Variants in HTR4 observed in about 807,000 individuals in gnomAD.
The protein encoded by HTR4 is 5-hydroxytryptamine receptor 4.
HTR4 carries 16 observed loss-of-function variants against 36.8 expected under a neutral mutation model. That is an observed-to-expected ratio of 0.43 (90% CI 0.29 to 0.66). The LOEUF (loss-of-function observed/expected upper bound fraction) is 0.66. HTR4 is among the 30% of genes least tolerant of loss of function. The probability of loss-of-function intolerance (pLI) is 0.13; values close to 1 mark genes in which losing one functional copy is unlikely to be tolerated. For synonymous variants in HTR4, 189 were observed against 185.1 expected (o/e 1.02, Z -0.17); for missense variants, 438 against 490.9 (o/e 0.89, Z 1.02).
At chr5:148,528,765 C>T (rs1758408131) in intron 4 of HTR4, among the ~76,000 whole-genome samples, 2 of 151,988 alleles carry the variant, frequency 1.3e-5, no homozygotes, top group Admixed American at 1.3e-4. Context: ...ATTCCTGCAA[C>T]ACATAAACAC....
At chr5:148,461,884 T>G (rs781713914) in intron 5 of HTR4, 1 of 151,958 alleles carries the variant, frequency 6.6e-6, no homozygotes, top group South Asian at 2.1e-4. Flanking sequence ...TTAACAAATG[T>G]AAAAGAATAG....
intron 4 of HTR4, among the ~76,000 whole-genome samples, chr5:148,524,148 T>C (rs1758152629): frequency 6.6e-6 from 1 of 152,128 alleles, no homozygotes; most frequent in African/African-American, 2.4e-5. Flanking sequence ...AGCTTGCATG[T>C]TGACAAGTGT....
chr5:148,528,719 G>A (rs181437703), intron 4 of HTR4, among the ~76,000 whole-genome samples: 122 of 151,934 alleles, frequency 8.0e-4, no homozygotes, highest in African/African-American at 2.7e-3. Context: ...TAATGTCCCC[G>A]TTAATAACAA....
chr5:148,625,493 C>T (rs1753067543), intron 2 of HTR4, among the ~76,000 whole-genome samples: 1 of 152,174 alleles, frequency 6.6e-6, no homozygotes, highest in South Asian at 2.1e-4. Flanking sequence ...TACTTTTCAA[C>T]TTCCCCACTC....
intron 2 of HTR4, among the ~76,000 whole-genome samples, chr5:148,622,069 G>C (rs987733178): frequency 3.3e-5 from 5 of 152,118 alleles, no homozygotes; most frequent in Non-Finnish European, 5.9e-5. Context: ...ACTGCCTCTT[G>C]TAATAATTGC....
At chr5:148,594,737 A>G (rs546049563) in intron 2 of HTR4, among the ~76,000 whole-genome samples, 46 of 152,298 alleles carry the variant, frequency 3.0e-4, no homozygotes, top group Admixed American at 2.2e-3. Flanking sequence ...CAGAGACCCA[A>G]TGATGTATTC....
chr5:148,539,211 T>C (rs28778922), intron 4 of HTR4, among the ~76,000 whole-genome samples: 23,916 of 152,130 alleles, frequency 0.16, 3,385 homozygotes, highest in African/African-American at 0.37. Context: ...TTACACCATA[T>C]ACAAAAGCCA....
At chr5:148,609,127 G>A (rs554018085) in intron 2 of HTR4, among the ~76,000 whole-genome samples, 6 of 152,210 alleles carry the variant, frequency 3.9e-5, no homozygotes, top group East Asian at 3.9e-4. Context: ...GGACCCCCTC[G>A]TTGCCTAAAA....
chr5:148,482,012 C>A lies in HTR4; in HGVS notation c.*1191G>T. 1 of 997,588 alleles carries A rather than the reference C, an allele frequency of 1.0e-6. No homozygotes were observed. The highest frequency in any genetic ancestry group is 1.2e-6 in the Non-Finnish European group (1 of 837,756). The allele number at this position is 997,588 out of a possible 1,614,324, so 61.8% of individuals were successfully genotyped here. A position where few individuals can be genotyped will look rare whatever the true frequency, so the allele number is the denominator to read the frequency against. On this transcript the variant is annotated 3_prime_UTR_variant, in exon 7 of 7. Transcript: ENST00000377888. Reference sequence around the variant, plus strand: ...AGAAACAGAAAGAAAACTTAAAGGTCCTCTAGTCCAAGCTTGAGTGCACAG... The same window carrying A: ...AGAAACAGAAAGAAAACTTAAAGGTACTCTAGTCCAAGCTTGAGTGCACAG...
In HTR4 at chr5:148,466,934, G is replaced by A. The variant is rs545645475; in HGVS notation, c.1077-15662C>T. On this transcript the variant is annotated intron_variant, in intron 5 of 5. Transcript: ENST00000521530. ...CTTAGTGTTACCATCTGAAAACTAC[G>A]TCTATTTTATGAAAATTTCCAATTT... Among the ~76,000 whole-genome samples, 175 of 152,186 alleles carry A rather than the reference G, an allele frequency of 1.1e-3. 1 individual carries two copies. The highest frequency in any genetic ancestry group is 3.4e-3 in the Middle Eastern group (1 of 294).
intron 2 of HTR4, among the ~76,000 whole-genome samples, chr5:148,619,242 A>G (rs989407776): frequency 6.6e-6 from 1 of 152,140 alleles, no homozygotes; most frequent in African/African-American, 2.4e-5. Context: ...GCTTGTAAAC[A>G]CTAGGATTGG....
chr5:148,578,341 T>C (rs996065098), intron 2 of HTR4, among the ~76,000 whole-genome samples: 2 of 152,060 alleles, frequency 1.3e-5, no homozygotes, highest in African/African-American at 2.4e-5. Context: ...TTCAGTAAAC[T>C]TAAACCTCAT....
intron 6 of HTR4, 85 bp downstream of exon 6, chr5:148,509,371 C>G (rs186425220): frequency 3.0e-6 from 3 of 1,010,328 alleles, no homozygotes; most frequent in Non-Finnish European, 4.4e-6. Context: ...TCAGGGATAA[C>G]CCCTTTGGAA....
At chr5:148,517,908 G>A (rs1037110986) in intron 5 of HTR4, among the ~76,000 whole-genome samples, 4 of 151,922 alleles carry the variant, frequency 2.6e-5, no homozygotes, top group African/African-American at 7.3e-5. Flanking sequence ...AACCTGAAAA[G>A]TCCTACACGA....
At chr5:148,536,794 G>C (rs186157484) in intron 4 of HTR4, among the ~76,000 whole-genome samples, 113 of 152,148 alleles carry the variant, frequency 7.4e-4, no homozygotes, top group African/African-American at 2.6e-3. Context: ...ATAGTGGAAG[G>C]CTTCAGCACT....
intron 1 of HTR4, 72 bp downstream of exon 1, chr5:148,653,990 G>C: frequency 5.9e-6 from 5 of 849,826 alleles, no homozygotes; most frequent in Non-Finnish European, 5.7e-6. Flanking sequence ...GTGCTGCCCC[G>C]CCCCCGCCGC....
At chr5:148,574,797 A>G (rs1760827073) in intron 2 of HTR4, among the ~76,000 whole-genome samples, 1 of 152,112 alleles carries the variant, frequency 6.6e-6, no homozygotes, top group Non-Finnish European at 1.5e-5. Flanking sequence ...TATCATTGAC[A>G]TTCTACAGTA....
intron 2 of HTR4, among the ~76,000 whole-genome samples, chr5:148,552,785 T>C (rs1035706255): frequency 2.6e-5 from 4 of 152,358 alleles, no homozygotes; most frequent in Non-Finnish European, 5.9e-5. Flanking sequence ...TGGCACAATA[T>C]CTAGTCTAGA....
At chr5:148,576,057 T>TA (rs1015303166) in intron 2 of HTR4, among the ~76,000 whole-genome samples, 2 of 119,372 alleles carry the variant, frequency 1.7e-5, no homozygotes, top group Admixed American at 1.2e-4. Context: ...AAAATCAATG[T>TA]AAAAAATCGC....
Sources: gnomAD v4.1 joint callset for allele counts (sites outside exome capture counted in the v4.1 genomes callset) on GRCh38, gnomAD v4.1.1 for gene constraint, MANE v1.5 for transcripts, NCBI Gene and HGNC (gene_info 2026-07-23, HGNC 2026-07-21) for gene names.